TENM2: variants seen among roughly 807,000 people sequenced by gnomAD.
The protein encoded by TENM2 is teneurin transmembrane protein 2, also known as teneurin-2.
In TENM2, 52 loss-of-function variants were observed where a neutral mutation model predicts 245.2. The observed-to-expected ratio is 0.21, with a 90% CI of 0.17 to 0.27. The LOEUF is 0.27. Ranked by LOEUF, TENM2 falls within the 10% of genes least tolerant of loss-of-function variation. The pLI, the probability that TENM2 is intolerant of heterozygous loss-of-function variation, is 1.00. For synonymous variants in TENM2, 1,363 were observed against 1,438.9 expected (o/e 0.95, Z 1.19); for missense variants, 3,046 against 3,666.8 (o/e 0.83, Z 4.37).
At chr5:167,367,688 T>A (rs1341748337) in intron 1 of TENM2, among the ~76,000 whole-genome samples, 1 of 152,102 alleles carries the variant, frequency 6.6e-6, no homozygotes, top group Non-Finnish European at 1.5e-5. Flanking sequence ...ATAACGGTTT[T>A]AAACCGATTA....
intron 28 of TENM2, among the ~76,000 whole-genome samples, chr5:168,261,642 C>T (rs535679651): frequency 2.0e-5 from 3 of 152,334 alleles, no homozygotes; most frequent in Non-Finnish European, 2.9e-5. Context: ...TCCTGCCCTT[C>T]GCATCAGGAC....
In TENM2 at chr5:167,582,058, A is replaced by C. The variant is rs183631230; in HGVS notation, c.502+206585A>C. Among the ~76,000 whole-genome samples the C allele has an allele frequency of 2.0e-3, 298 of 151,896 alleles. 1 individual carries two copies. The highest frequency in any genetic ancestry group is 6.8e-3 in the African/African-American group (283 of 41,522). ...ATGATTTGGGGAAGAAGATTCTCAT[A>C]TAATATAATCTTGTCCCAACTAAAC... On this transcript the variant is annotated intron_variant, in intron 2 of 28. Coordinates refer to ENST00000518659, the Ensembl canonical transcript of TENM2.
chr5:167,376,184 A>G (rs1760736353), intron 2 of TENM2, among the ~76,000 whole-genome samples: 1 of 152,356 alleles, frequency 6.6e-6, no homozygotes, highest in South Asian at 2.1e-4. Flanking sequence ...AAGCAAAGTC[A>G]TTAAAGAGAT....
At chr5:167,890,200 A>G (rs1774633393) in intron 3 of TENM2, among the ~76,000 whole-genome samples, 1 of 152,138 alleles carries the variant, frequency 6.6e-6, no homozygotes, top group Non-Finnish European at 1.5e-5. Flanking sequence ...TTCAAATATC[A>G]TGATTCTAGG....
the TENM2 span, among the ~76,000 whole-genome samples, chr5:167,275,080 T>C: frequency 1.3e-5 from 2 of 152,032 alleles, no homozygotes; most frequent in East Asian, 3.9e-4. Context: ...TCTTTTTCCC[T>C]GTGGGTGTTC....
intron 2 of TENM2, among the ~76,000 whole-genome samples, chr5:167,748,748 G>A (rs549558894): frequency 6.6e-6 from 1 of 152,148 alleles, no homozygotes; most frequent in East Asian, 1.9e-4. Context: ...GTGCAAGTAG[G>A]GGAAATGCCA....
chr5:167,292,376 C>G (rs759084923), intron 1 of TENM2, among the ~76,000 whole-genome samples: 1 of 152,182 alleles, frequency 6.6e-6, no homozygotes, highest in Non-Finnish European at 1.5e-5. Context: ...TAGATAAAGT[C>G]TTCCAAGCCT....
intron 1 of TENM2, among the ~76,000 whole-genome samples, chr5:167,291,209 T>C (rs538412725): frequency 1.9e-4 from 29 of 152,236 alleles, no homozygotes; most frequent in Non-Finnish European, 2.8e-4. Flanking sequence ...CCTAATCCTA[T>C]ACTCTTCTTC....
intron 3 of TENM2, among the ~76,000 whole-genome samples, chr5:167,942,099 T>C: frequency 6.6e-6 from 1 of 151,866 alleles, no homozygotes; most frequent in East Asian, 1.9e-4. Flanking sequence ...TCCCAGCTAC[T>C]CGGGAGGCTG....
At chr5:167,507,705 C>T (rs1182012979) in intron 2 of TENM2, among the ~76,000 whole-genome samples, 1 of 151,888 alleles carries the variant, frequency 6.6e-6, no homozygotes, top group Non-Finnish European at 1.5e-5. Flanking sequence ...TCAATGAAAA[C>T]TAAAATAAAA....
intron 2 of TENM2, among the ~76,000 whole-genome samples, chr5:167,790,813 C>T (rs930711772): frequency 6.6e-6 from 1 of 152,206 alleles, no homozygotes; most frequent in Non-Finnish European, 1.5e-5. Context: ...CCCCAGGTGG[C>T]AATATTCCTA....
chr5:166,985,119 G>A, the TENM2 span, among the ~76,000 whole-genome samples: 586 of 152,238 alleles, frequency 3.8e-3, 5 homozygotes, highest in African/African-American at 0.012. Context: ...TATTAGAAAG[G>A]TGGTTTGGTT....
intron 2 of TENM2, among the ~76,000 whole-genome samples, chr5:167,628,503 A>T (rs1778659342): frequency 6.6e-6 from 1 of 152,138 alleles, no homozygotes; most frequent in African/African-American, 2.4e-5. Context: ...TTACTGTGAT[A>T]GTGTTCTACC....
intron 7 of TENM2, among the ~76,000 whole-genome samples, chr5:168,079,514 T>G (rs1791787838): frequency 6.6e-6 from 1 of 152,178 alleles, no homozygotes; most frequent in Non-Finnish European, 1.5e-5. Flanking sequence ...GTGCCAGTTT[T>G]CAGAGGAATG....
intron 2 of TENM2, among the ~76,000 whole-genome samples, chr5:167,565,736 T>TGA (rs1344600930): frequency 6.6e-6 from 1 of 152,200 alleles, no homozygotes; most frequent in Non-Finnish European, 1.5e-5. Flanking sequence ...TGCTATGTGC[T>TGA]GAGATCAGGG....
intron 2 of TENM2, among the ~76,000 whole-genome samples, chr5:167,654,119 CTT>C (rs201411837): frequency 1.4e-5 from 2 of 148,010 alleles, no homozygotes; most frequent in Non-Finnish European, 3.0e-5. Flanking sequence ...CTTTTACTAA[CTT>C]TTTTTTTTTA....
At chr5:167,915,322 A>G (rs1005133447) in intron 3 of TENM2, among the ~76,000 whole-genome samples, 2 of 152,200 alleles carry the variant, frequency 1.3e-5, no homozygotes, top group African/African-American at 4.8e-5. Flanking sequence ...GGGAGATGGA[A>G]AGACAGGAAA....
intron 19 of TENM2, among the ~76,000 whole-genome samples, chr5:168,206,557 G>A (rs1762359984): frequency 6.6e-6 from 1 of 152,212 alleles, no homozygotes; most frequent in African/African-American, 2.4e-5. Context: ...ATGGTAACCA[G>A]AGGGTGAACA....
At chr5:167,807,623 TTAAA>T (rs1053099926) in intron 2 of TENM2, among the ~76,000 whole-genome samples, 4 of 28,508 alleles carry the variant, frequency 1.4e-4, no homozygotes, top group African/African-American at 3.1e-4. Context: ...TGCATTTTTT[TTAAA>T]AAAAAAAAAA....
Sources: gnomAD v4.1 joint callset for allele counts (sites outside exome capture counted in the v4.1 genomes callset) on GRCh38, gnomAD v4.1.1 for gene constraint, MANE v1.5 for transcripts, NCBI Gene and HGNC (gene_info 2026-07-23, HGNC 2026-07-21) for gene names.